SAMD12: variants seen among roughly 807,000 people sequenced by gnomAD.
SAMD12 encodes the protein sterile alpha motif domain containing 12, also known as sterile alpha motif domain-containing protein 12.
SAMD12 carries 9 observed loss-of-function variants against 15.0 expected under a neutral mutation model. The observed-to-expected ratio is 0.60, with a 90% CI of 0.36 to 1.05. The LOEUF (loss-of-function observed/expected upper bound fraction) is 1.05, where lower values mean the gene tolerates loss of function less well. Among genes scored for constraint, SAMD12 ranks in the 50% least tolerant of loss-of-function variants. SAMD12 has a pLI of 0.01. For missense variants in SAMD12, 230 were observed against 234.2 expected (o/e 0.98, Z 0.12); for synonymous variants, 86 against 90.1 (o/e 0.96, Z 0.25).
At chr8:118,270,640 G>A (rs1031601639) in intron 4 of SAMD12, among the ~76,000 whole-genome samples, 12 of 152,154 alleles carry the variant, frequency 7.9e-5, no homozygotes, top group Admixed American at 6.6e-4. Flanking sequence ...AGGCTTTTTA[G>A]GGGGAGTTGG....
intron 2 of SAMD12, among the ~76,000 whole-genome samples, chr8:118,484,209 G>A (rs762135312): frequency 3.9e-5 from 6 of 152,028 alleles, no homozygotes; most frequent in Non-Finnish European, 7.4e-5. Flanking sequence ...GCTTAGGTGT[G>A]CTGGCCAGGT....
At chr8:118,302,310 G>C (rs1187635258) in intron 4 of SAMD12, among the ~76,000 whole-genome samples, 2 of 151,940 alleles carry the variant, frequency 1.3e-5, no homozygotes, top group African/African-American at 4.8e-5. Context: ...CATTCATTTA[G>C]TTCTTTGCTC....
At chr8:118,437,225 TG>T (rs1314246697) in intron 3 of SAMD12, among the ~76,000 whole-genome samples, 1 of 152,194 alleles carries the variant, frequency 6.6e-6, no homozygotes. Flanking sequence ...TGTGATCATT[TG>T]GGTATTTTGC....
intron 3 of SAMD12, among the ~76,000 whole-genome samples, chr8:118,407,936 C>T (rs537685363): frequency 6.6e-6 from 1 of 152,086 alleles, no homozygotes; most frequent in Non-Finnish European, 1.5e-5. Flanking sequence ...AACTACCCAC[C>T]CCCATAGCCA....
At chr8:118,412,664 T>C (rs1821470890) in intron 3 of SAMD12, among the ~76,000 whole-genome samples, 1 of 152,132 alleles carries the variant, frequency 6.6e-6, no homozygotes, top group Non-Finnish European at 1.5e-5. Flanking sequence ...GATGCTGTCT[T>C]GGACCTTCTA....
intron 4 of SAMD12, among the ~76,000 whole-genome samples, chr8:118,308,037 G>A (rs747128737): frequency 1.3e-5 from 2 of 152,200 alleles, no homozygotes; most frequent in Non-Finnish European, 2.9e-5. Context: ...TTCTGCTAGA[G>A]AGAACATCAG....
chr8:118,256,779 T>TACACAC (rs3052764), intron 4 of SAMD12, among the ~76,000 whole-genome samples: 8,830 of 139,780 alleles, frequency 0.063, 331 homozygotes, highest in Non-Finnish European at 0.081. Context: ...CTGCATAAGA[T>TACACAC]ACACACACAC....
rs553132240 is a variant in SAMD12 at position 118,496,610 on chromosome 8, T to C, written c.193-56649A>G. 4.6e-5 allele frequency among the ~76,000 whole-genome samples: 7 copies of C among 152,156 alleles called. No individual in the cohort carries two copies. The South Asian group carries it at 1.2e-3, about 27-fold the overall frequency. ...AGCATAAATATAAAACCTCAAACTA[T>C]AAAAACCCTAGAAGAAAACCTAGAA... On this transcript the variant is annotated intron_variant, in intron 2 of 3. Coordinates refer to ENST00000314727, the MANE Select transcript of SAMD12 (RefSeq NM_207506.3).
In SAMD12 at chr8:118,621,865, TC is replaced by T. The variant is rs1176018190; in HGVS notation, c.-50del. On this transcript the variant is annotated 5_prime_UTR_variant, in exon 1 of 4. Transcript: ENST00000314727. ...TGCATAATTTTCTTGGCCGAGGTAC[TC>T]CTCCTGCCCCGCGCTCCCCCCTTCC... 6.2e-7 allele frequency: 1 copy of T among 1,601,574 alleles called. No homozygotes were observed. The highest frequency in any genetic ancestry group is 1.7e-5 in the Admixed American group (1 of 60,010).
At chr8:118,232,941 C>T (rs894983706) in intron 4 of SAMD12, among the ~76,000 whole-genome samples, 3 of 152,046 alleles carry the variant, frequency 2.0e-5, no homozygotes, top group Non-Finnish European at 4.4e-5. Context: ...TGAAACTCTG[C>T]CAGAAAGAAT....
intron 2 of SAMD12, among the ~76,000 whole-genome samples, chr8:118,553,577 C>T (rs1826420288): frequency 6.7e-6 from 1 of 150,256 alleles, no homozygotes; most frequent in Non-Finnish European, 1.5e-5. Context: ...ACCATAAAAA[C>T]CCTAGAAGAA....
the SAMD12 span, among the ~76,000 whole-genome samples, chr8:118,161,699 TAATA>T: frequency 2.0e-5 from 2 of 101,428 alleles, no homozygotes; most frequent in Non-Finnish European, 4.7e-5. Flanking sequence ...TCAATATTAA[TAATA>T]AATTATTTAT....
intron 2 of SAMD12, among the ~76,000 whole-genome samples, chr8:118,522,839 A>T (rs1362020450): frequency 1.3e-5 from 2 of 152,196 alleles, no homozygotes; most frequent in Non-Finnish European, 2.9e-5. Flanking sequence ...AAATAGCCAT[A>T]AGAAGGTTAT....
At chr8:118,529,213 T>C (rs1043503063) in intron 2 of SAMD12, among the ~76,000 whole-genome samples, 1 of 152,188 alleles carries the variant, frequency 6.6e-6, no homozygotes, top group African/African-American at 2.4e-5. Context: ...TTCATTTACT[T>C]TTCAGAGGCC....
chr8:118,156,934 G>T, the SAMD12 span, among the ~76,000 whole-genome samples: 1 of 152,134 alleles, frequency 6.6e-6, no homozygotes, highest in South Asian at 2.1e-4. Flanking sequence ...ATTACGCAGG[G>T]TCAGTATGAT....
At chr8:118,207,813 T>C (rs1383933889) in intron 4 of SAMD12, among the ~76,000 whole-genome samples, 2 of 152,198 alleles carry the variant, frequency 1.3e-5, no homozygotes, top group Admixed American at 1.3e-4. Context: ...CAATGTTCTC[T>C]AAGATTCACT....
At chr8:118,454,514 A>G (rs1823182899) in intron 2 of SAMD12, among the ~76,000 whole-genome samples, 1 of 152,166 alleles carries the variant, frequency 6.6e-6, no homozygotes, top group Non-Finnish European at 1.5e-5. Context: ...ATTAGTTTTT[A>G]AAGTATATTC....
At chr8:118,272,840 A>G (rs1485354911) in intron 4 of SAMD12, among the ~76,000 whole-genome samples, 2 of 152,178 alleles carry the variant, frequency 1.3e-5, no homozygotes, top group African/African-American at 2.4e-5. Context: ...GGTTAAAGCC[A>G]TTCATCAAGT....
At chr8:118,141,627 G>A in the SAMD12 span, among the ~76,000 whole-genome samples, 1 of 152,166 alleles carries the variant, frequency 6.6e-6, no homozygotes, top group Non-Finnish European at 1.5e-5. Context: ...GGGAGAAATG[G>A]GGTAGGCCAA....
Sources: gnomAD v4.1 joint callset for allele counts (sites outside exome capture counted in the v4.1 genomes callset) on GRCh38, gnomAD v4.1.1 for gene constraint, MANE v1.5 for transcripts, NCBI Gene and HGNC (gene_info 2026-07-23, HGNC 2026-07-21) for gene names.